Variants in IL1A observed in about 807,000 individuals in gnomAD.
IL1A encodes the protein interleukin 1 alpha.
In IL1A, 16 loss-of-function variants were observed where a neutral mutation model predicts 22.2. That is an observed-to-expected ratio of 0.72 (90% CI 0.49 to 1.09). The LOEUF (loss-of-function observed/expected upper bound fraction) is 1.09. Among genes scored for constraint, IL1A ranks in the 50% least tolerant of loss-of-function variants. The pLI is 0.00. For synonymous variants in IL1A, 113 were observed against 118.5 expected (o/e 0.95, Z 0.30); for missense variants, 317 against 321.8 (o/e 0.99, Z 0.11).
chr2:112,779,686 T>C lies in IL1A; in HGVS notation c.320-20A>G, dbSNP rs1453730124. 3 of 1,575,990 alleles carry C rather than the reference T, an allele frequency of 1.9e-6. No individual in the cohort carries two copies. The highest frequency in any genetic ancestry group is 2.6e-6 in the Non-Finnish European group (3 of 1,149,946). ...TGATTTCTAAAACCATGATCACAAGTGCAGATTAATGTCTATGTACAAACA... is the reference window on the plus strand; with the variant it reads ...TGATTTCTAAAACCATGATCACAAGCGCAGATTAATGTCTATGTACAAACA... On this transcript the variant is annotated intron_variant, in intron 4 of 6. Transcript: ENST00000263339.
intron 4 of IL1A, 123 bp from the exon 5 acceptor site, chr2:112,779,789 G>A (rs529562970): frequency 7.0e-4 from 391 of 556,812 alleles, no homozygotes; most frequent in Non-Finnish European, 9.4e-4. Flanking sequence ...ATCCAGATGA[G>A]GAAGCAAAGA....
intron 5 of IL1A, 125 bp downstream of exon 5, chr2:112,779,371 G>T: frequency 1.4e-6 from 1 of 713,298 alleles, no homozygotes; most frequent in Non-Finnish European, 2.2e-6. Flanking sequence ...AGCTATTCTG[G>T]AAGAATTGTG....
At chr2:112,777,850 AG>A (rs1262741983) in intron 6 of IL1A, 136 bp downstream of exon 6, 2 of 777,744 alleles carry the variant, frequency 2.6e-6, no homozygotes, top group Non-Finnish European at 4.2e-6. Context: ...AATCAATGGG[AG>A]TGGGGTGGGC....
intron 3 of IL1A, 64 bp downstream of exon 3, chr2:112,782,652 C>A: frequency 8.4e-7 from 1 of 1,190,542 alleles, no homozygotes; most frequent in Admixed American, 1.7e-5. Flanking sequence ...TTGCTGTTCT[C>A]TTTGGATGAA....
intron 1 of IL1A, 89 bp from the exon 2 acceptor site, chr2:112,783,867 A>G: frequency 8.5e-7 from 1 of 1,177,182 alleles, no homozygotes; most frequent in East Asian, 2.3e-5. Flanking sequence ...GTGCTTCCTG[A>G]AAACTTTGTT....
intron 6 of IL1A, among the ~76,000 whole-genome samples, chr2:112,776,264 T>C (rs942267253): frequency 2.0e-5 from 3 of 152,222 alleles, no homozygotes; most frequent in Admixed American, 6.5e-5. Context: ...GTTTTCATTG[T>C]ACCTCAAATG....
At chr2:112,780,992 C>A (rs543579342) in intron 4 of IL1A, among the ~76,000 whole-genome samples, 157 of 151,860 alleles carry the variant, frequency 1.0e-3, no homozygotes, top group Non-Finnish European at 1.8e-3. Context: ...TGCACTCCAG[C>A]CTGGGTGACA....
chr2:112,781,680 C>T lies in IL1A; in HGVS notation c.243G>A (p.Leu81=), dbSNP rs750799234. ...MVVVATNGKV[L]KKRRLSLSQS... ...GGCTTAAACTCAACCGTCTCTTCTT[C>T]AGAACCTTCCCGTTGGTTGCTACTA... Residue 81 remains leucine (L), a synonymous_variant, in exon 4 of 7, where the codon CTG becomes CTA. Coordinates refer to ENST00000263339, the MANE Select transcript of IL1A (RefSeq NM_000575.5). 16 of 1,614,124 alleles carry T rather than the reference C, an allele frequency of 9.9e-6. No individual in the cohort carries two copies. The Admixed American group carries it at 1.5e-4, about 15-fold the overall frequency.
At chr2:112,777,680 T>C (rs1315942505) in intron 6 of IL1A, among the ~76,000 whole-genome samples, 2 of 152,194 alleles carry the variant, frequency 1.3e-5, no homozygotes, top group African/African-American at 4.8e-5. Flanking sequence ...TAGTATTGTG[T>C]AGGTCAGATA....
chr2:112,780,913 A>G (rs1969294), intron 4 of IL1A, among the ~76,000 whole-genome samples: 104,518 of 151,112 alleles, frequency 0.69, 36,920 homozygotes, highest in Middle Eastern at 0.79. Flanking sequence ...CCAGCTACTC[A>G]GGAGGCTGAG....
rs1194663985 is a variant in IL1A at position 112,784,443 on chromosome 2, CT to C, written c.-10del. ...ATAGCCAGAGATGTGAGGACAATAC[CT>C]TTGCTGACTCAAACGCCAATGAAAT... is the stretch of plus-strand genomic sequence containing the variant. On this transcript the variant is annotated splice_region_variant and 5_prime_UTR_variant, in exon 1 of 7. Coordinates refer to ENST00000263339, the MANE Select transcript of IL1A (RefSeq NM_000575.5). 1.3e-5 allele frequency: 2 copies of C among 152,228 alleles called. No homozygotes were observed. The highest frequency in any genetic ancestry group is 4.8e-5 in the African/African-American group (2 of 41,454). 9.4% of individuals were successfully genotyped at this position (152,228 alleles called of 1,614,324 possible).
In IL1A at chr2:112,783,716, T is replaced by G; in HGVS notation, c.47+8A>C. 1 of 1,611,270 alleles carries G rather than the reference T, an allele frequency of 6.2e-7. No homozygotes were observed. Among genetic ancestry groups the G allele is most frequent in the Non-Finnish European group, 8.5e-7 (1 of 1,177,320 alleles). The stretch of plus-strand genomic sequence containing the variant: ...ATTAAATCACAAGAGATAAATCTTA[T>G]TCCTTACCTGTAACAGTTCTTCAGG... On this transcript the variant is annotated splice_region_variant and intron_variant, in intron 2 of 6. Coordinates refer to ENST00000263339, the MANE Select transcript of IL1A (RefSeq NM_000575.5).
chr2:112,780,416 A>G (rs891671100), intron 4 of IL1A, among the ~76,000 whole-genome samples: 10 of 152,238 alleles, frequency 6.6e-5, no homozygotes, highest in African/African-American at 1.4e-4. Context: ...ATTTTGTTAC[A>G]TTTTAAAACC....
At chr2:112,781,089 C>T (rs3783578) in intron 4 of IL1A, among the ~76,000 whole-genome samples, 33 of 152,020 alleles carry the variant, frequency 2.2e-4, no homozygotes, top group African/African-American at 8.0e-4. Context: ...TTACTTTGTA[C>T]CAGACATTAT....
chr2:112,777,004 C>T (rs1406382303), intron 6 of IL1A, among the ~76,000 whole-genome samples: 4 of 151,952 alleles, frequency 2.6e-5, no homozygotes, highest in Non-Finnish European at 5.9e-5. Context: ...AACCATGACC[C>T]GCCCCCTCCT....
chr2:112,783,571 G>A (rs1410022486), intron 2 of IL1A, among the ~76,000 whole-genome samples, 153 bp downstream of exon 2: 1 of 152,078 alleles, frequency 6.6e-6, no homozygotes, highest in East Asian at 1.9e-4. Flanking sequence ...AGTTTTTCTG[G>A]GTCTTCTCTG....
chr2:112,774,853 A>G lies in IL1A; in HGVS notation c.*214T>C, dbSNP rs1484511729. 10 of 502,098 alleles carry G rather than the reference A, an allele frequency of 2.0e-5. No individual in the cohort carries two copies. The highest frequency in any genetic ancestry group is 3.2e-5 in the Non-Finnish European group (9 of 278,628). The allele number at this position is 502,098 out of a possible 1,614,324, so 31.1% of individuals were successfully genotyped here. A position where few individuals can be genotyped will look rare whatever the true frequency, so the allele number is the denominator to read the frequency against. ...GTTATGAAGAATAATAATTAAAATG[A>G]TTGGTACTATGCAAAATATAGGGTG... On this transcript the variant is annotated 3_prime_UTR_variant, in exon 7 of 7. Coordinates refer to ENST00000263339, the MANE Select transcript of IL1A (RefSeq NM_000575.5).
chr2:112,777,230 G>A (rs1201558026), intron 6 of IL1A, among the ~76,000 whole-genome samples: 1 of 151,884 alleles, frequency 6.6e-6, no homozygotes, highest in African/African-American at 2.4e-5. Context: ...CCACACTGCT[G>A]TTGGCACTAT....
intron 1 of IL1A, among the ~76,000 whole-genome samples, chr2:112,784,241 A>G (rs1457250644): frequency 6.6e-6 from 1 of 152,244 alleles, no homozygotes; most frequent in Non-Finnish European, 1.5e-5. Context: ...GTCCCTCAGT[A>G]TAACGAATCA....
Sources: allele counts gnomAD v4.1 joint callset (sites outside exome capture counted in the v4.1 genomes callset), GRCh38; gene constraint gnomAD v4.1.1; transcripts MANE v1.5; gene names NCBI Gene and HGNC (gene_info 2026-07-23, HGNC 2026-07-21).